The following STAB2 variants were observed in gnomAD, a reference collection of about 807,000 sequenced individuals.
The protein encoded by STAB2 is stabilin 2.
A neutral mutation model predicts 338.1 loss-of-function variants in STAB2; 288 were observed. The ratio of observed to expected loss-of-function variants is 0.85; its 90% confidence interval spans 0.77 to 0.94. The LOEUF (loss-of-function observed/expected upper bound fraction) is 0.94, where lower values mean the gene tolerates loss of function less well. Among genes scored for constraint, STAB2 ranks in the 40% least tolerant of loss-of-function variants. The probability of loss-of-function intolerance (pLI) is 0.00; values close to 1 mark genes in which losing one functional copy is unlikely to be tolerated. For missense variants in STAB2, 3,141 were observed against 3,210.1 expected (o/e 0.98, Z 0.52); for synonymous variants, 1,202 against 1,193.3 (o/e 1.01, Z -0.15).
chr12:103,703,330 T>A (rs775690464), intron 35 of STAB2, 54 bp downstream of exon 35: 151 of 1,585,398 alleles, frequency 9.5e-5, no homozygotes, highest in Admixed American at 3.9e-4. Flanking sequence ...TGGCTTTTTT[T>A]TATATAATTT....
At chr12:103,737,829 T>A in intron 53 of STAB2, 49 bp downstream of exon 53, 1 of 1,609,412 alleles carries the variant, frequency 6.2e-7, no homozygotes, top group Middle Eastern at 1.9e-4. Flanking sequence ...AGCCAAAGAA[T>A]GGCCCTCATG....
chr12:103,700,738 C>T (rs1032378619), intron 34 of STAB2, among the ~76,000 whole-genome samples: 3 of 152,160 alleles, frequency 2.0e-5, no homozygotes, highest in Non-Finnish European at 4.4e-5. Context: ...TTCATTTTTC[C>T]ATGTGTGCAG....
At chr12:103,605,893 T>C (rs942568103) in intron 3 of STAB2, among the ~76,000 whole-genome samples, 20 of 152,198 alleles carry the variant, frequency 1.3e-4, no homozygotes, top group African/African-American at 4.8e-4. Flanking sequence ...TTAGGGTCTC[T>C]TGTAGGCAAC....
intron 8 of STAB2, among the ~76,000 whole-genome samples, chr12:103,639,790 C>T (rs1006689333): frequency 1.7e-4 from 26 of 149,438 alleles, no homozygotes; most frequent in Admixed American, 6.0e-4. Flanking sequence ...AACCATTATT[C>T]TAAAGCAATA....
chr12:103,761,404 C>T lies in STAB2; in HGVS notation c.7353C>T (p.Ala2451=). 2 of 1,613,410 alleles carry T rather than the reference C, an allele frequency of 1.2e-6. No homozygotes were observed. The highest frequency in any genetic ancestry group is 1.3e-5 in the African/African-American group (1 of 74,972). Residue 2451 remains alanine, a synonymous_variant, in exon 66 of 69, where the codon GCC becomes GCT. Coordinates refer to ENST00000388887, the MANE Select transcript of STAB2 (RefSeq NM_017564.10). ...CCAGGCCTTTAAAAGCACCCCCTGCCCCCGTGGTGAGTATCTAGGGTCCCT... is the reference window on the plus strand; with the variant it reads ...CCAGGCCTTTAAAAGCACCCCCTGCTCCCGTGGTGAGTATCTAGGGTCCCT... ...VISRPLKAPP[A]PVTLTHTGLG...
At chr12:103,645,071 A>G (rs1873231103) in intron 9 of STAB2, among the ~76,000 whole-genome samples, 1 of 152,254 alleles carries the variant, frequency 6.6e-6, no homozygotes. Context: ...AAGCAACTGT[A>G]CTAAGACTTT....
chr12:103,739,322 G>A, intron 53 of STAB2, 90 bp from the exon 54 acceptor site: 1 of 1,221,034 alleles, frequency 8.2e-7, no homozygotes, highest in Non-Finnish European at 1.1e-6. Context: ...GATTAGTTAA[G>A]CCCTTAATCC....
At position 103,750,573 on chromosome 12, in the gene STAB2, C is replaced by T. The variant is rs1883542917; in HGVS notation, c.6439-6C>T. 1 of 1,613,938 alleles carries T rather than the reference C, an allele frequency of 6.2e-7. No individual in the cohort carries two copies. The highest frequency in any genetic ancestry group is 8.5e-7 in the Non-Finnish European group (1 of 1,179,840). ...TTTTTCATCTCTTCCCACTCTCCCT[C>T]CACAGGGCAAGCACAAGTGTGAGTG... On this transcript the variant is annotated splice_region_variant and splice_polypyrimidine_tract_variant and intron_variant, in intron 59 of 68. Coordinates refer to ENST00000388887, the MANE Select transcript of STAB2 (RefSeq NM_017564.10).
rs79619217 is a variant in STAB2 at position 103,676,653 on chromosome 12, G to A, written c.2646+632G>A. On this transcript the variant is annotated intron_variant, in intron 24 of 68. Transcript: ENST00000388887. ...TGACCAAGTTCTGTTGTTGGTAGGG[G>A]TGTATCCAGAACCTACCATTGCTTT... Among the ~76,000 whole-genome samples the A allele has an allele frequency of 1.1e-4, 16 of 152,214 alleles. 1 individual carries two copies. The East Asian group carries it at 2.9e-3, about 28-fold the overall frequency.
chr12:103,748,822 G>A, intron 58 of STAB2, 141 bp from the exon 59 acceptor site: 1 of 805,094 alleles, frequency 1.2e-6, no homozygotes, highest in African/African-American at 1.7e-5. Flanking sequence ...GAGGCCACAG[G>A]GCATGGAGAG....
chr12:103,761,142 G>A (rs987289768), intron 65 of STAB2, among the ~76,000 whole-genome samples, 158 bp from the exon 66 acceptor site: 1 of 152,148 alleles, frequency 6.6e-6, no homozygotes, highest in Non-Finnish European at 1.5e-5. Flanking sequence ...ATGTGTTCTG[G>A]GCTGTCCAGA....
At position 103,630,171 on chromosome 12, in the gene STAB2, C is replaced by T. The variant is rs560263775; in HGVS notation, c.488-1427C>T. On this transcript the variant is annotated intron_variant, in intron 5 of 68. Coordinates refer to ENST00000388887, the MANE Select transcript of STAB2 (RefSeq NM_017564.10). The stretch of plus-strand genomic sequence containing the variant: ...AGGCAAGAAACTGGAAATAGCAAGA[C>T]GAGGTATCATGCTACTGCAATAGTC... Among the ~76,000 whole-genome samples the T allele has an allele frequency of 5.3e-5, 8 of 152,222 alleles. No individual in the cohort carries two copies. In the South Asian group the frequency reaches 1.0e-3, roughly 20 times the overall value.
intron 3 of STAB2, among the ~76,000 whole-genome samples, chr12:103,604,406 G>A (rs189553118): frequency 1.2e-4 from 18 of 152,022 alleles, no homozygotes; most frequent in Admixed American, 9.8e-4. Flanking sequence ...TTCCCTCTTC[G>A]ATTACCTGGA....
At chr12:103,594,714 T>C (rs1311814434) in intron 3 of STAB2, among the ~76,000 whole-genome samples, 2 of 152,200 alleles carry the variant, frequency 1.3e-5, no homozygotes, top group Non-Finnish European at 2.9e-5. Flanking sequence ...GATCTCTCTT[T>C]AAAAGAATTC....
At chr12:103,721,726 A>T (rs780975946) in intron 44 of STAB2, among the ~76,000 whole-genome samples, 3 of 152,212 alleles carry the variant, frequency 2.0e-5, no homozygotes, top group Non-Finnish European at 2.9e-5. Flanking sequence ...ATAGTGGCTC[A>T]TGCCTATAAT....
At chr12:103,755,588 A>G in intron 62 of STAB2, 24 bp from the exon 63 acceptor site, 1 of 1,613,626 alleles carries the variant, frequency 6.2e-7, no homozygotes, top group Non-Finnish European at 8.5e-7. Flanking sequence ...CTTGTGTGGG[A>G]CCCTGTGTGC....
intron 39 of STAB2, among the ~76,000 whole-genome samples, chr12:103,710,422 A>G (rs1407614278): frequency 6.6e-6 from 1 of 151,956 alleles, no homozygotes; most frequent in Non-Finnish European, 1.5e-5. Context: ...AAAGAAGACA[A>G]CTCCTTTGTG....
rs189445298 is a variant in STAB2 at position 103,713,937 on chromosome 12, G to C, written c.4537+169G>C. On this transcript the variant is annotated intron_variant, in intron 42 of 68. Coordinates refer to ENST00000388887, the MANE Select transcript of STAB2 (RefSeq NM_017564.10). Reference sequence around the variant, plus strand: ...GGAAAAGTGACCACAGGGTATGAAGGCATGTCATGTCCAAAAATTACTTCG... The same window carrying C: ...GGAAAAGTGACCACAGGGTATGAAGCCATGTCATGTCCAAAAATTACTTCG... Among the ~76,000 whole-genome samples the C allele has an allele frequency of 4.1e-4, 63 of 152,352 alleles. 1 individual carries two copies. The highest frequency in any genetic ancestry group is 1.5e-3 in the African/African-American group (61 of 41,588).
intron 50 of STAB2, among the ~76,000 whole-genome samples, chr12:103,732,446 T>C (rs1321372732): frequency 6.6e-6 from 1 of 152,204 alleles, no homozygotes; most frequent in East Asian, 1.9e-4. Context: ...CCCTCTTCCC[T>C]GATACTCAAC....
Sources: allele counts gnomAD v4.1 joint callset (sites outside exome capture counted in the v4.1 genomes callset), GRCh38; gene constraint gnomAD v4.1.1; transcripts MANE v1.5; gene names NCBI Gene and HGNC (gene_info 2026-07-23, HGNC 2026-07-21).